Variants in MACROD2 observed in about 807,000 individuals in gnomAD.
The protein encoded by MACROD2 is mono-ADP ribosylhydrolase 2, also known as ADP-ribose glycohydrolase MACROD2.
Under a neutral mutation model 70.4 loss-of-function variants are expected in MACROD2, and 36 were observed. The observed-to-expected ratio is 0.51, with a 90% CI of 0.39 to 0.68. The LOEUF (loss-of-function observed/expected upper bound fraction) is 0.68. Among genes scored for constraint, MACROD2 ranks in the 30% least tolerant of loss-of-function variants. MACROD2 has a pLI of 0.00. For synonymous variants in MACROD2, 172 were observed against 178.8 expected, an observed-to-expected ratio of 0.96 and a Z score of 0.30; for missense variants, 496 against 538.4, an observed-to-expected ratio of 0.92 and a Z score of 0.78.
At chr20:14,419,616 A>T (rs1195119743) in intron 3 of MACROD2, among the ~76,000 whole-genome samples, 2 of 152,186 alleles carry the variant, frequency 1.3e-5, no homozygotes, top group African/African-American at 2.4e-5. Context: ...AAAATATTTT[A>T]AAAATGTACT....
At chr20:14,259,583 C>T (rs563273606) in intron 3 of MACROD2, among the ~76,000 whole-genome samples, 1 of 152,268 alleles carries the variant, frequency 6.6e-6, no homozygotes, top group Admixed American at 6.5e-5. Flanking sequence ...TACCATTAGT[C>T]AAATATTTAT....
At chr20:14,272,368 C>A (rs1363736106) in intron 3 of MACROD2, among the ~76,000 whole-genome samples, 3 of 151,924 alleles carry the variant, frequency 2.0e-5, no homozygotes, top group Non-Finnish European at 4.4e-5. Flanking sequence ...GAATTTTCAA[C>A]CCAGAATTTC....
intron 2 of MACROD2, among the ~76,000 whole-genome samples, chr20:14,060,029 C>G (rs779365097): frequency 6.6e-6 from 1 of 152,138 alleles, no homozygotes; most frequent in Admixed American, 6.5e-5. Context: ...TCGACCCTTA[C>G]GTGCTTATGA....
intron 5 of MACROD2, among the ~76,000 whole-genome samples, chr20:14,945,778 A>C (rs941238894): frequency 6.6e-6 from 1 of 152,180 alleles, no homozygotes; most frequent in Non-Finnish European, 1.5e-5. Flanking sequence ...GGGTGAGAAA[A>C]TAAAATGAGA....
At chr20:14,057,449 A>G (rs957136054) in intron 2 of MACROD2, among the ~76,000 whole-genome samples, 2 of 152,194 alleles carry the variant, frequency 1.3e-5, no homozygotes, top group Non-Finnish European at 2.9e-5. Flanking sequence ...TAAATGGGAA[A>G]GAGATTTGAG....
chr20:15,688,783 G>A (rs1401391068), intron 8 of MACROD2, among the ~76,000 whole-genome samples: 2 of 152,146 alleles, frequency 1.3e-5, no homozygotes, highest in African/African-American at 2.4e-5. Flanking sequence ...ATGTGAAGAG[G>A]CAAGGGCAAG....
intron 5 of MACROD2, among the ~76,000 whole-genome samples, chr20:15,025,276 A>G (rs969028789): frequency 7.9e-5 from 12 of 152,082 alleles, no homozygotes; most frequent in African/African-American, 2.7e-4. Context: ...TTGTGTGTGT[A>G]TGTTCAATGA....
At chr20:16,021,483 T>G (rs2067000627) in intron 15 of MACROD2, among the ~76,000 whole-genome samples, 1 of 152,182 alleles carries the variant, frequency 6.6e-6, no homozygotes, top group Non-Finnish European at 1.5e-5. Context: ...AGCTAGTAAC[T>G]GGAAAAGCCA....
At chr20:15,103,768 G>A (rs185637530) in intron 5 of MACROD2, among the ~76,000 whole-genome samples, 4 of 152,140 alleles carry the variant, frequency 2.6e-5, no homozygotes, top group African/African-American at 7.2e-5. Flanking sequence ...TGACCTGGAA[G>A]CCCTCTCTGA....
intron 4 of MACROD2, among the ~76,000 whole-genome samples, chr20:14,605,751 G>T (rs1303975554): frequency 2.0e-5 from 3 of 151,732 alleles, no homozygotes; most frequent in Non-Finnish European, 4.4e-5. Flanking sequence ...TCTTTTTAAA[G>T]AATTCTCAAC....
chr20:14,537,209 A>G (rs2085377080), intron 4 of MACROD2, among the ~76,000 whole-genome samples: 1 of 152,190 alleles, frequency 6.6e-6, no homozygotes. Context: ...CCTAGTTAGG[A>G]TTCTTCCAAA....
intron 8 of MACROD2, among the ~76,000 whole-genome samples, chr20:15,649,110 TCCCTC>T (rs1166263596): frequency 1.3e-5 from 1 of 76,320 alleles, no homozygotes; most frequent in Non-Finnish European, 2.4e-5. Context: ...CCCCTCCCCT[TCCCTC>T]CCCTCCCCTC....
At chr20:15,480,234 T>C (rs1040830547) in intron 7 of MACROD2, among the ~76,000 whole-genome samples, 3 of 152,172 alleles carry the variant, frequency 2.0e-5, no homozygotes, top group African/African-American at 7.2e-5. Flanking sequence ...ATGTGTCTCA[T>C]AATTAAGACT....
intron 8 of MACROD2, among the ~76,000 whole-genome samples, chr20:15,704,105 CT>C (rs2050498517): frequency 6.6e-6 from 1 of 151,920 alleles, no homozygotes; most frequent in African/African-American, 2.4e-5. Context: ...GGGCTTTTGC[CT>C]TTGCTATTGT....
chr20:15,671,004 A>T (rs2049972585), intron 8 of MACROD2, among the ~76,000 whole-genome samples: 2 of 152,228 alleles, frequency 1.3e-5, no homozygotes. Flanking sequence ...AAAACAACTT[A>T]ATCACTTAAA....
chr20:15,858,174 T>C (rs997947851), intron 8 of MACROD2, among the ~76,000 whole-genome samples: 11 of 152,040 alleles, frequency 7.2e-5, no homozygotes. Flanking sequence ...GAATGGCATA[T>C]AGGCTAGGCC....
At chr20:14,928,075 A>T (rs1188424364) in intron 5 of MACROD2, among the ~76,000 whole-genome samples, 2 of 152,258 alleles carry the variant, frequency 1.3e-5, no homozygotes. Context: ...TGGATTTTCC[A>T]GGTTAAGCAG....
At chr20:14,531,823 C>T (rs999418527) in intron 4 of MACROD2, among the ~76,000 whole-genome samples, 3 of 152,106 alleles carry the variant, frequency 2.0e-5, no homozygotes, top group Admixed American at 6.5e-5. Context: ...AAGCTACCTC[C>T]GGGAAGGGAA....
chr20:14,515,968 A>G (rs1444749748), intron 4 of MACROD2, among the ~76,000 whole-genome samples: 1 of 147,754 alleles, frequency 6.8e-6, no homozygotes, highest in South Asian at 2.1e-4. Flanking sequence ...ATTATATAAT[A>G]TATTTTATAT....
Sources: allele counts gnomAD v4.1 joint callset (sites outside exome capture counted in the v4.1 genomes callset), GRCh38; gene constraint gnomAD v4.1.1; transcripts MANE v1.5; gene names NCBI Gene and HGNC (gene_info 2026-07-23, HGNC 2026-07-21).